Variants in RAPGEF2 observed in about 807,000 individuals in gnomAD.
RAPGEF2 encodes the protein Rap guanine nucleotide exchange factor 2, also known as PDZ domain containing guanine nucleotide exchange factor (GEF) 1.
A neutral mutation model predicts 186.7 loss-of-function variants in RAPGEF2; 54 were observed. The ratio of observed to expected loss-of-function variants is 0.29; its 90% CI spans 0.23 to 0.36. The LOEUF is 0.36. Ranked by LOEUF, RAPGEF2 falls within the 10% of genes least tolerant of loss-of-function variation. RAPGEF2 has a pLI of 1.00. For synonymous variants in RAPGEF2, 712 were observed against 705.9 expected (o/e 1.01, Z -0.14); for missense variants, 1,532 against 2,045.0 (o/e 0.75, Z 4.84).
At chr4:159,265,773 A>C (rs1757356535) in intron 7 of RAPGEF2, among the ~76,000 whole-genome samples, 1 of 152,220 alleles carries the variant, frequency 6.6e-6, no homozygotes, top group Admixed American at 6.5e-5. Context: ...AGACTTTTGC[A>C]GTTCTCAAGG....
At chr4:159,266,658 A>G (rs1757470089) in intron 7 of RAPGEF2, among the ~76,000 whole-genome samples, 2 of 151,970 alleles carry the variant, frequency 1.3e-5, no homozygotes, top group Non-Finnish European at 2.9e-5. Context: ...ATGTGTGTGT[A>G]TGGGTGTTTG....
At position 159,352,706 on chromosome 4, in the gene RAPGEF2, G is replaced by T; in HGVS notation, c.3887G>T (p.Gly1296Val). ...PRKGYTLAPS[G>V]TVDNFSDSGH... is the part of the protein sequence containing the mutation. The stretch of plus-strand genomic sequence containing the variant: ...GCAGGCTATACTTTGGCTCCCAGTG[G>T]TACTGTGGATAATTTTTCAGATTCT... Residue 1296 changes from glycine (G) to valine (V), a missense_variant, in exon 27 of 30, where the codon GGT becomes GTT. Transcript: ENST00000691494. The T allele has an allele frequency of 2.5e-6, 4 of 1,613,756 alleles. No homozygotes were observed. The highest frequency in any genetic ancestry group is 3.4e-6 in the Non-Finnish European group (4 of 1,179,674).
At chr4:159,283,521 G>T (rs1303223524) in intron 7 of RAPGEF2, among the ~76,000 whole-genome samples, 1 of 152,024 alleles carries the variant, frequency 6.6e-6, no homozygotes, top group East Asian at 1.9e-4. Flanking sequence ...TATTACAATG[G>T]AATTTCTCAT....
chr4:159,208,812 A>G (rs1252970666), intron 3 of RAPGEF2, among the ~76,000 whole-genome samples: 1 of 152,152 alleles, frequency 6.6e-6, no homozygotes, highest in East Asian at 1.9e-4. Flanking sequence ...AAACTGGGAG[A>G]AAAGATATTC....
intron 18 of RAPGEF2, among the ~76,000 whole-genome samples, 180 bp from the exon 19 acceptor site, chr4:159,338,934 G>T (rs1395094215): frequency 6.6e-6 from 1 of 152,200 alleles, no homozygotes; most frequent in Non-Finnish European, 1.5e-5. Flanking sequence ...TTAGGGAAAG[G>T]TATGTTCTTG....
At chr4:159,104,309 T>G in intron 1 of RAPGEF2, 78 bp downstream of exon 1, 5 of 517,492 alleles carry the variant, frequency 9.7e-6, no homozygotes, top group Middle Eastern at 3.4e-4. Context: ...CCCCACCTCC[T>G]TCCTGACACA....
chr4:159,103,429 C>T lies in RAPGEF2; in HGVS notation c.-734C>T. ...GCGGAGCCCACAGCGGCGGCCCGAG[C>T]AGCAGAGGCGGCGGCGGCGGCGGCT... On this transcript the variant is annotated 5_prime_UTR_variant, in exon 1 of 30. Coordinates refer to ENST00000691494, the MANE Select transcript of RAPGEF2 (RefSeq NM_001394067.2). The T allele has an allele frequency of 6.3e-6, 1 of 159,584 alleles. No individual in the cohort carries two copies. The highest frequency in any genetic ancestry group is 1.3e-5 in the Non-Finnish European group (1 of 74,422). 9.9% of individuals were successfully genotyped at this position (159,584 alleles called of 1,614,324 possible).
Position 159,148,860 on chromosome 4 carries a change from T to C in RAPGEF2, c.70-37782T>C, listed in dbSNP as rs76446196. Among the ~76,000 whole-genome samples, 698 of 152,366 alleles carry C rather than the reference T, an allele frequency of 4.6e-3. 7 individuals are homozygous for C. The highest frequency in any genetic ancestry group is 0.016 in the African/African-American group (654 of 41,596). On this transcript the variant is annotated intron_variant, in intron 1 of 29. Transcript: ENST00000691494. Reference sequence around the variant, plus strand: ...ATGTAATTTCTTTTTGTAGTCTATTTTCTTAAATTTTGATATTTTATAAAT... The same window carrying C: ...ATGTAATTTCTTTTTGTAGTCTATTCTCTTAAATTTTGATATTTTATAAAT...
In RAPGEF2 at chr4:159,345,265, G is replaced by A. The variant is rs1158975161; in HGVS notation, c.3438G>A (p.Glu1146=). The part of the protein sequence containing the change: ...RKVKQYLSNL[E]LEMDEESLQT... ...TGAAGCAGTACCTTTCCAATTTGGAGCTAGAAATGGACGAGGAGAGTCTTC... is the reference window on the plus strand; with the variant it reads ...TGAAGCAGTACCTTTCCAATTTGGAACTAGAAATGGACGAGGAGAGTCTTC... Residue 1146 remains glutamate, a synonymous_variant, in exon 24 of 30, where the codon GAG becomes GAA. Coordinates refer to ENST00000691494, the MANE Select transcript of RAPGEF2 (RefSeq NM_001394067.2). The A allele has an allele frequency of 3.7e-6, 6 of 1,614,064 alleles. No individual in the cohort carries two copies. Among genetic ancestry groups the A allele is most frequent in the African/African-American group, 1.3e-5 (1 of 74,920 alleles).
At chr4:159,172,582 ATG>A in intron 1 of RAPGEF2, among the ~76,000 whole-genome samples, 1 of 152,284 alleles carries the variant, frequency 6.6e-6, no homozygotes, top group Middle Eastern at 3.4e-3. Flanking sequence ...CTACTTATTT[ATG>A]AATGTGATGG....
At chr4:159,235,262 C>G (rs1753122923) in intron 4 of RAPGEF2, among the ~76,000 whole-genome samples, 1 of 152,176 alleles carries the variant, frequency 6.6e-6, no homozygotes, top group South Asian at 2.1e-4. Context: ...TCCATCATTT[C>G]AAAGTTTGTC....
At chr4:159,304,966 A>G (rs1579856639) in intron 8 of RAPGEF2, among the ~76,000 whole-genome samples, 2 of 152,146 alleles carry the variant, frequency 1.3e-5, no homozygotes, top group African/African-American at 2.4e-5. Flanking sequence ...AATTATTTCA[A>G]TCAAGATAGT....
intron 9 of RAPGEF2, among the ~76,000 whole-genome samples, chr4:159,318,707 A>G (rs1007982262): frequency 1.4e-4 from 21 of 152,178 alleles, no homozygotes; most frequent in Non-Finnish European, 2.4e-4. Context: ...AGTTTGACAC[A>G]GTAAAGTAGA....
chr4:159,252,846 A>T (rs1755629626), intron 7 of RAPGEF2, among the ~76,000 whole-genome samples: 1 of 152,162 alleles, frequency 6.6e-6, no homozygotes, highest in Admixed American at 6.5e-5. Flanking sequence ...GCTTTTGTTT[A>T]TTATTTACCA....
intron 7 of RAPGEF2, among the ~76,000 whole-genome samples, chr4:159,253,892 C>T (rs9994151): frequency 0.015 from 2,351 of 152,136 alleles, 66 homozygotes; most frequent in African/African-American, 0.053. Context: ...GGCGTGAACC[C>T]AGGAGGCGGA....
At chr4:159,179,303 T>C (rs1746779410) in intron 1 of RAPGEF2, among the ~76,000 whole-genome samples, 1 of 150,732 alleles carries the variant, frequency 6.6e-6, no homozygotes, top group South Asian at 2.1e-4. Flanking sequence ...AGTTTGTGTG[T>C]CATAGTTTTT....
chr4:159,206,230 G>C (rs201907570), intron 3 of RAPGEF2, among the ~76,000 whole-genome samples: 7 of 152,152 alleles, frequency 4.6e-5, no homozygotes, highest in Non-Finnish European at 1.0e-4. Context: ...GCGCCCAGCC[G>C]CGCAGGATCT....
intron 7 of RAPGEF2, among the ~76,000 whole-genome samples, chr4:159,302,288 A>C (rs2111038148): frequency 6.6e-6 from 1 of 152,038 alleles, no homozygotes; most frequent in Admixed American, 6.6e-5. Flanking sequence ...GACCTGAATA[A>C]ATAAAATATA....
At chr4:159,158,514 C>G (rs1300787150) in intron 1 of RAPGEF2, among the ~76,000 whole-genome samples, 1 of 152,156 alleles carries the variant, frequency 6.6e-6, no homozygotes, top group Non-Finnish European at 1.5e-5. Context: ...ACCCAAATCT[C>G]TCTGCTTTTA....
Sources: allele counts gnomAD v4.1 joint callset (sites outside exome capture counted in the v4.1 genomes callset), GRCh38; gene constraint gnomAD v4.1.1; transcripts MANE v1.5; gene names NCBI Gene and HGNC (gene_info 2026-07-23, HGNC 2026-07-21).